The following DOK5 variants were observed in gnomAD, a reference collection of about 807,000 sequenced individuals.
DOK5 encodes the protein docking protein 5.
A neutral mutation model predicts 43.3 loss-of-function variants in DOK5; 27 were observed. That is an observed-to-expected ratio of 0.62 (90% confidence interval 0.46 to 0.86). The LOEUF (loss-of-function observed/expected upper bound fraction) is 0.86. Ranked by LOEUF, DOK5 falls within the 40% of genes least tolerant of loss-of-function variation. DOK5 has a pLI of 0.00. For synonymous variants in DOK5, 146 were observed against 140.1 expected, an observed-to-expected ratio of 1.04 and a Z score of -0.30; for missense variants, 373 against 392.9, an observed-to-expected ratio of 0.95 and a Z score of 0.43.
At chr20:54,615,464 G>A (rs1474946190) in intron 6 of DOK5, among the ~76,000 whole-genome samples, 1 of 152,102 alleles carries the variant, frequency 6.6e-6, no homozygotes, top group Non-Finnish European at 1.5e-5. Context: ...GGAAACAAGA[G>A]GAGTCAAACA....
chr20:54,498,591 A>C (rs1241594884), intron 1 of DOK5, among the ~76,000 whole-genome samples: 1 of 152,212 alleles, frequency 6.6e-6, no homozygotes, highest in Non-Finnish European at 1.5e-5. Context: ...ATGTACCTTG[A>C]TAATTTGTTT....
chr20:54,591,300 T>C (rs1231217807), intron 4 of DOK5, among the ~76,000 whole-genome samples: 1 of 152,208 alleles, frequency 6.6e-6, no homozygotes, highest in African/African-American at 2.4e-5. Flanking sequence ...TTTTAATGGT[T>C]GTATTGCTTT....
intron 1 of DOK5, among the ~76,000 whole-genome samples, chr20:54,528,166 C>A (rs910739591): frequency 9.9e-5 from 15 of 152,112 alleles, no homozygotes; most frequent in Non-Finnish European, 1.3e-4. Context: ...GAGATCGTAC[C>A]ATTGCATCCA....
At chr20:54,484,633 C>T (rs1017985492) in intron 1 of DOK5, among the ~76,000 whole-genome samples, 27 of 152,170 alleles carry the variant, frequency 1.8e-4, no homozygotes, top group African/African-American at 6.3e-4. Flanking sequence ...TATATAGCTG[C>T]CCCTCCTGCC....
At chr20:54,583,382 TC>T (rs1317768975) in intron 2 of DOK5, among the ~76,000 whole-genome samples, 1 of 152,170 alleles carries the variant, frequency 6.6e-6, no homozygotes, top group Non-Finnish European at 1.5e-5. Flanking sequence ...ACTGTATTTG[TC>T]CGTTAAGTTT....
At chr20:54,583,171 T>C (rs1300447065) in intron 2 of DOK5, among the ~76,000 whole-genome samples, 1 of 152,098 alleles carries the variant, frequency 6.6e-6, no homozygotes, top group Non-Finnish European at 1.5e-5. Flanking sequence ...ATACTGTGAT[T>C]TTTTTTCAGT....
At chr20:54,637,847 G>A (rs1299548780) in intron 6 of DOK5, among the ~76,000 whole-genome samples, 1 of 152,240 alleles carries the variant, frequency 6.6e-6, no homozygotes, top group East Asian at 1.9e-4. Flanking sequence ...CTTTGGCCGG[G>A]CGCGGTGGCT....
chr20:54,598,065 G>T (rs1986194904), intron 5 of DOK5, among the ~76,000 whole-genome samples: 1 of 152,104 alleles, frequency 6.6e-6, no homozygotes, highest in South Asian at 2.1e-4. Flanking sequence ...CTCTTAGTTT[G>T]GAGTGTAGGC....
At chr20:54,592,745 G>A (rs1986017706) in intron 5 of DOK5, among the ~76,000 whole-genome samples, 1 of 152,086 alleles carries the variant, frequency 6.6e-6, no homozygotes, top group African/African-American at 2.4e-5. Flanking sequence ...GTTTCACCGT[G>A]TTAGCCAGGA....
chr20:54,598,160 A>G (rs555695944), intron 5 of DOK5, among the ~76,000 whole-genome samples: 1 of 152,326 alleles, frequency 6.6e-6, no homozygotes, highest in Non-Finnish European at 1.5e-5. Flanking sequence ...TCCTCCTGGT[A>G]TCATAAAATC....
chr20:54,508,963 G>C (rs530994872), intron 1 of DOK5, among the ~76,000 whole-genome samples: 55 of 151,632 alleles, frequency 3.6e-4, no homozygotes, highest in African/African-American at 1.3e-3. Context: ...TGCAACCTCC[G>C]TCTCCCTGGT....
At chr20:54,616,369 A>C (rs1986807824) in intron 6 of DOK5, among the ~76,000 whole-genome samples, 1 of 152,192 alleles carries the variant, frequency 6.6e-6, no homozygotes, top group Non-Finnish European at 1.5e-5. Context: ...AGTGACCAAC[A>C]TTTAAAAATT....
At chr20:54,540,218 A>G (rs1266212958) in intron 1 of DOK5, among the ~76,000 whole-genome samples, 1 of 152,104 alleles carries the variant, frequency 6.6e-6, no homozygotes, top group Non-Finnish European at 1.5e-5. Context: ...TAGATAGTCT[A>G]TCACCATTAT....
intron 1 of DOK5, among the ~76,000 whole-genome samples, chr20:54,509,197 A>G (rs955931931): frequency 2.0e-5 from 3 of 152,046 alleles, no homozygotes; most frequent in Non-Finnish European, 4.4e-5. Flanking sequence ...TTTAATTTTA[A>G]TTTTTATGTT....
chr20:54,481,057 CATCTATCTATCATCT>C (rs1417268335), intron 1 of DOK5, among the ~76,000 whole-genome samples: 1 of 116,820 alleles, frequency 8.6e-6, no homozygotes, highest in African/African-American at 4.3e-5. Context: ...ATCTGTCTAT[CATCTATCTATCATCT>C]ATCTATCTAT....
At chr20:54,644,012 C>T (rs1038255393) in intron 7 of DOK5, among the ~76,000 whole-genome samples, 1 of 152,100 alleles carries the variant, frequency 6.6e-6, no homozygotes, top group African/African-American at 2.4e-5. Context: ...TTTCCATGCC[C>T]TTCCCCAGAC....
chr20:54,582,483 C>T (rs1305662936), intron 2 of DOK5, among the ~76,000 whole-genome samples: 2 of 151,180 alleles, frequency 1.3e-5, no homozygotes, highest in Non-Finnish European at 3.0e-5. Flanking sequence ...TTTCTTCCAA[C>T]AAAGAAATAC....
intron 1 of DOK5, among the ~76,000 whole-genome samples, chr20:54,549,648 C>G (rs1984459439): frequency 6.6e-6 from 1 of 151,952 alleles, no homozygotes; most frequent in Non-Finnish European, 1.5e-5. Context: ...GGACATAAGC[C>G]AGGCAAAAAC....
intron 1 of DOK5, among the ~76,000 whole-genome samples, chr20:54,527,350 G>A (rs942656299): frequency 6.6e-6 from 1 of 152,104 alleles, no homozygotes; most frequent in African/African-American, 2.4e-5. Flanking sequence ...ACATTCATGT[G>A]CTTAGGATTT....
Sources: gnomAD v4.1 joint callset for allele counts (sites outside exome capture counted in the v4.1 genomes callset) on GRCh38, gnomAD v4.1.1 for gene constraint, MANE v1.5 for transcripts, NCBI Gene and HGNC (gene_info 2026-07-23, HGNC 2026-07-21) for gene names.